Variants in GRM7 observed in about 807,000 individuals in gnomAD.
GRM7 encodes metabotropic glutamate receptor 7.
Under a neutral mutation model 84.5 loss-of-function variants are expected in GRM7, and 35 were observed. The observed-to-expected ratio is 0.41, with a 90% CI of 0.32 to 0.55. GRM7 has a LOEUF of 0.55. Ranked by LOEUF, GRM7 falls within the 20% of genes least tolerant of loss-of-function variation. GRM7 has a pLI of 0.19. For synonymous variants in GRM7, 487 were observed against 455.1 expected (o/e 1.07, Z -0.89); for missense variants, 1,003 against 1,194.6 (o/e 0.84, Z 2.36).
At chr3:7,288,185 G>A (rs992471443) in intron 2 of GRM7, among the ~76,000 whole-genome samples, 1 of 152,060 alleles carries the variant, frequency 6.6e-6, no homozygotes, top group African/African-American at 2.4e-5. Flanking sequence ...ATATACAAAG[G>A]AAGATGTATT....
At chr3:6,963,793 G>A (rs1207763032) in intron 1 of GRM7, among the ~76,000 whole-genome samples, 1 of 152,108 alleles carries the variant, frequency 6.6e-6, no homozygotes, top group Non-Finnish European at 1.5e-5. Context: ...CCTAGCTTCA[G>A]AGATTTATAC....
chr3:7,690,720 G>A (rs187154511), intron 9 of GRM7, among the ~76,000 whole-genome samples: 14 of 152,252 alleles, frequency 9.2e-5, no homozygotes, highest in African/African-American at 3.1e-4. Flanking sequence ...GATTCCACTG[G>A]ACATGGATCC....
At chr3:7,121,159 C>G (rs1169427020) in intron 1 of GRM7, among the ~76,000 whole-genome samples, 2 of 152,154 alleles carry the variant, frequency 1.3e-5, no homozygotes, top group Non-Finnish European at 2.9e-5. Context: ...CAGGAACACT[C>G]ATTTAAAGTT....
intron 1 of GRM7, chr3:6,884,391 T>C (rs1695617725): frequency 6.6e-6 from 1 of 152,612 alleles, no homozygotes; most frequent in Non-Finnish European, 1.5e-5. Context: ...TCTAAAATAT[T>C]GTACACACTA....
At chr3:7,108,199 C>G (rs1692720048) in intron 1 of GRM7, among the ~76,000 whole-genome samples, 1 of 152,008 alleles carries the variant, frequency 6.6e-6, no homozygotes, top group Admixed American at 6.6e-5. Context: ...AACCATAGAG[C>G]CTTCTACATT....
intron 2 of GRM7, among the ~76,000 whole-genome samples, chr3:7,290,680 C>A (rs1699589625): frequency 6.6e-6 from 1 of 152,134 alleles, no homozygotes; most frequent in African/African-American, 2.4e-5. Flanking sequence ...CCACCCCAAC[C>A]CCAGCAGCAT....
At chr3:7,005,276 G>A (rs1157151375) in intron 1 of GRM7, among the ~76,000 whole-genome samples, 1 of 152,138 alleles carries the variant, frequency 6.6e-6, no homozygotes, top group Non-Finnish European at 1.5e-5. Context: ...AGCTGGATGT[G>A]GCCATCCGGG....
chr3:7,491,417 T>G (rs115006226), intron 7 of GRM7, among the ~76,000 whole-genome samples: 67,993 of 150,912 alleles, frequency 0.45, 15,578 homozygotes, highest in East Asian at 0.7. Flanking sequence ...AGATGGTATA[T>G]ATATATATAT....
chr3:7,501,228 A>G (rs922582056), intron 7 of GRM7, among the ~76,000 whole-genome samples: 1 of 152,198 alleles, frequency 6.6e-6, no homozygotes, highest in African/African-American at 2.4e-5. Context: ...TCAGAGGCTT[A>G]AGTTTTTGCC....
intron 4 of GRM7, among the ~76,000 whole-genome samples, chr3:7,352,361 A>G (rs1693199239): frequency 6.6e-6 from 1 of 152,152 alleles, no homozygotes; most frequent in Non-Finnish European, 1.5e-5. Context: ...ACCAAGGAAT[A>G]TAATGAAGTC....
intron 7 of GRM7, 123 bp from the exon 8 acceptor site, chr3:7,578,299 G>T: frequency 1.5e-6 from 1 of 648,982 alleles, no homozygotes. Flanking sequence ...TGCAAGCTGA[G>T]GGTAAACTAT....
chr3:6,932,017 G>A (rs1697519586), intron 1 of GRM7, among the ~76,000 whole-genome samples: 1 of 152,210 alleles, frequency 6.6e-6, no homozygotes, highest in African/African-American at 2.4e-5. Flanking sequence ...TGTAGAGATA[G>A]CATCACAGAT....
At chr3:7,257,572 GA>G (rs1698255463) in intron 2 of GRM7, among the ~76,000 whole-genome samples, 1 of 152,112 alleles carries the variant, frequency 6.6e-6, no homozygotes, top group Non-Finnish European at 1.5e-5. Context: ...CCATGAATAT[GA>G]ATACAAAGTC....
At position 6,966,246 on chromosome 3, in the gene GRM7, A is replaced by G. The variant is rs142917878; in HGVS notation, c.519+104339A>G. ...TTAATCTTCTTCCTTATCAGACCAC[A>G]TAATTAGTGTAGGCAGGAGGTGAAA... On this transcript the variant is annotated intron_variant, in intron 1 of 9. Transcript: ENST00000357716. Among the ~76,000 whole-genome samples, 123 of 152,288 alleles carry G rather than the reference A, an allele frequency of 8.1e-4. 1 individual carries two copies. Among genetic ancestry groups the G allele is most frequent in the African/African-American group, 2.9e-3 (119 of 41,556 alleles).
intron 1 of GRM7, among the ~76,000 whole-genome samples, chr3:6,969,116 A>G (rs191076526): frequency 2.6e-4 from 39 of 152,040 alleles, no homozygotes; most frequent in Admixed American, 2.0e-3. Flanking sequence ...GTGAGCCAGT[A>G]ATTTAAAAAC....
chr3:7,351,513 A>G (rs532358210), intron 4 of GRM7, among the ~76,000 whole-genome samples: 1 of 152,140 alleles, frequency 6.6e-6, no homozygotes, highest in East Asian at 1.9e-4. Context: ...TGCATGCAGC[A>G]TTGCTTCTGG....
At chr3:7,091,903 C>T (rs556655947) in intron 1 of GRM7, among the ~76,000 whole-genome samples, 2 of 151,528 alleles carry the variant, frequency 1.3e-5, no homozygotes, top group East Asian at 2.0e-4. Context: ...TTGCAATGAT[C>T]ACACTGTAAG....
At chr3:7,612,675 A>G (rs1021737782) in intron 8 of GRM7, among the ~76,000 whole-genome samples, 14 of 152,192 alleles carry the variant, frequency 9.2e-5, no homozygotes, top group Non-Finnish European at 1.6e-4. Context: ...ATTAGCATGA[A>G]GGTTAAAAGG....
intron 2 of GRM7, among the ~76,000 whole-genome samples, chr3:7,200,525 G>A (rs1464982558): frequency 1.3e-5 from 2 of 152,174 alleles, no homozygotes; most frequent in Non-Finnish European, 2.9e-5. Flanking sequence ...GCTCCCAGAT[G>A]ACGCCAAAGC....
Sources: allele counts gnomAD v4.1 joint callset (sites outside exome capture counted in the v4.1 genomes callset), GRCh38; gene constraint gnomAD v4.1.1; transcripts MANE v1.5; gene names NCBI Gene and HGNC (gene_info 2026-07-23, HGNC 2026-07-21).